The following ADGRD1 variants were observed in gnomAD, a reference collection of about 807,000 sequenced individuals.
ADGRD1 encodes G-protein coupled receptor 133.
Under a neutral mutation model 113.4 loss-of-function variants are expected in ADGRD1, and 77 were observed. The observed-to-expected ratio is 0.68, with a 90% CI of 0.57 to 0.82. ADGRD1 has a LOEUF of 0.82. Ranked by LOEUF, ADGRD1 falls within the 40% of genes least tolerant of loss-of-function variation. The pLI is 0.00. For missense variants in ADGRD1, 1,036 were observed against 1,139.1 expected, an observed-to-expected ratio of 0.91 and a Z score of 1.30; for synonymous variants, 474 against 475.0, an observed-to-expected ratio of 1.00 and a Z score of 0.03.
intron 8 of ADGRD1, among the ~76,000 whole-genome samples, chr12:130,997,096 A>G (rs372183984): frequency 0.93 from 95,533 of 103,244 alleles, 44,505 homozygotes; most frequent in East Asian, 0.99. Flanking sequence ...GGGCAGAGGC[A>G]CCCCTCACCT....
intron 21 of ADGRD1, 38 bp from the exon 22 acceptor site, chr12:131,135,999 T>A (rs756341334): frequency 2.0e-5 from 33 of 1,612,128 alleles, no homozygotes; most frequent in Non-Finnish European, 2.6e-5. Flanking sequence ...GCACCTGCCC[T>A]CCTGCCACTC....
chr12:130,966,427 A>G lies in ADGRD1; in HGVS notation c.104-36A>G, dbSNP rs757427744. 5 of 1,366,964 alleles carry G rather than the reference A, an allele frequency of 3.7e-6. No individual in the cohort carries two copies. In the East Asian group the frequency reaches 6.9e-5, roughly 19 times the overall value. 84.7% of individuals were successfully genotyped at this position (1,366,964 alleles called of 1,614,324 possible). A position where few individuals can be genotyped will look rare whatever the true frequency, so the allele number is the denominator to read the frequency against. ...TTACCCTCTGGTTCTTTCCTCTCTAATGATGATTTAAAATTTTTATTCTTT... is the reference window on the plus strand; with the variant it reads ...TTACCCTCTGGTTCTTTCCTCTCTAGTGATGATTTAAAATTTTTATTCTTT... On this transcript the variant is annotated intron_variant, in intron 2 of 24. Coordinates refer to ENST00000261654, the MANE Select transcript of ADGRD1 (RefSeq NM_198827.5). The surrounding 1 kb of genome is among the most constrained non-coding windows in gnomAD (Gnocchi z 4.6).
At chr12:131,036,674 A>ACG (rs1414799162) in intron 13 of ADGRD1, among the ~76,000 whole-genome samples, 2 of 139,226 alleles carry the variant, frequency 1.4e-5, no homozygotes, top group East Asian at 2.2e-4. Flanking sequence ...GGCCTCACTC[A>ACG]GTACACCGGG....
intron 13 of ADGRD1, among the ~76,000 whole-genome samples, chr12:131,064,051 A>C (rs971721482): frequency 3.0e-4 from 45 of 152,106 alleles, no homozygotes; most frequent in Non-Finnish European, 3.7e-4. Context: ...GTGACTATGA[A>C]CTCACTTAAT....
chr12:131,087,032 A>G (rs938562343), intron 15 of ADGRD1, among the ~76,000 whole-genome samples: 1 of 152,124 alleles, frequency 6.6e-6, no homozygotes, highest in Admixed American at 6.5e-5. Context: ...CAGCCTCCCA[A>G]GTAGCTGGGA....
intron 18 of ADGRD1, among the ~76,000 whole-genome samples, chr12:131,115,238 G>A (rs927409014): frequency 3.9e-5 from 6 of 152,204 alleles, no homozygotes; most frequent in Non-Finnish European, 7.3e-5. Context: ...CCAGGCTGAC[G>A]GAGAAGGCAC....
intron 5 of ADGRD1, among the ~76,000 whole-genome samples, chr12:130,983,552 T>C (rs1487409426): frequency 6.6e-6 from 1 of 152,220 alleles, no homozygotes; most frequent in Admixed American, 6.5e-5. Context: ...AGGTAAAGTA[T>C]GCTCAACTCT....
chr12:131,062,882 G>A (rs1226661318), intron 13 of ADGRD1, among the ~76,000 whole-genome samples: 2 of 152,090 alleles, frequency 1.3e-5, no homozygotes, highest in Non-Finnish European at 2.9e-5. Context: ...CATGAGCAAT[G>A]TATGAGTGAT....
chr12:131,104,238 G>A (rs917256270), intron 15 of ADGRD1, among the ~76,000 whole-genome samples: 2 of 151,822 alleles, frequency 1.3e-5, no homozygotes, highest in Admixed American at 6.6e-5. Context: ...CCTCAGGCGG[G>A]GGCGGTAGCC....
chr12:131,008,887 G>A (rs1156383574), intron 12 of ADGRD1, among the ~76,000 whole-genome samples: 1 of 152,226 alleles, frequency 6.6e-6, no homozygotes, highest in African/African-American at 2.4e-5. Flanking sequence ...GATGAGTGGG[G>A]AGGTGGACCC....
At chr12:130,980,229 T>A (rs1398870305) in intron 4 of ADGRD1, among the ~76,000 whole-genome samples, 1 of 151,758 alleles carries the variant, frequency 6.6e-6, no homozygotes, top group East Asian at 1.9e-4. Flanking sequence ...CTCAGCCTCC[T>A]GAGCAGCTGG....
intron 11 of ADGRD1, 71 bp from the exon 12 acceptor site, chr12:131,005,901 G>A (rs547199018): frequency 1.4e-5 from 16 of 1,173,592 alleles, no homozygotes; most frequent in East Asian, 9.4e-5. Context: ...ATGGCGGGGC[G>A]TGGGGCTTTG....
At chr12:131,119,556 C>G (rs952469734) in intron 19 of ADGRD1, among the ~76,000 whole-genome samples, 2 of 152,250 alleles carry the variant, frequency 1.3e-5, no homozygotes, top group Non-Finnish European at 2.9e-5. Context: ...TTCCCACACT[C>G]ATGCCCGAAA....
chr12:130,982,882 A>G (rs1179529128), intron 5 of ADGRD1, among the ~76,000 whole-genome samples: 1 of 152,172 alleles, frequency 6.6e-6, no homozygotes, highest in Non-Finnish European at 1.5e-5. Flanking sequence ...GTGGGGGCCA[A>G]GTCAGGACTG....
At chr12:131,019,852 C>G (rs1450642135) in intron 13 of ADGRD1, among the ~76,000 whole-genome samples, 1 of 75,482 alleles carries the variant, frequency 1.3e-5, no homozygotes, top group African/African-American at 3.9e-5. Context: ...ACCCCGAGCT[C>G]CGTCCAGGGC....
intron 20 of ADGRD1, among the ~76,000 whole-genome samples, chr12:131,130,822 C>T (rs1408555504): frequency 6.6e-6 from 1 of 152,100 alleles, no homozygotes; most frequent in Non-Finnish European, 1.5e-5. Flanking sequence ...CAGCTCCCTT[C>T]AGAGACTGCC....
At chr12:131,117,502 C>T (rs1332565815) in intron 18 of ADGRD1, among the ~76,000 whole-genome samples, 1 of 152,194 alleles carries the variant, frequency 6.6e-6, no homozygotes, top group African/African-American at 2.4e-5. Flanking sequence ...AGCTCACTGA[C>T]ATCCTTATCC....
intron 21 of ADGRD1, among the ~76,000 whole-genome samples, chr12:131,135,364 A>T (rs1951046912): frequency 6.6e-6 from 1 of 152,140 alleles, no homozygotes; most frequent in Admixed American, 6.5e-5. Flanking sequence ...ATAAAAACGC[A>T]TGCTGATGGG....
chr12:131,036,682 G>T (rs1401423028), intron 13 of ADGRD1, among the ~76,000 whole-genome samples: 2 of 128,214 alleles, frequency 1.6e-5, no homozygotes, highest in Admixed American at 1.6e-4. Flanking sequence ...TCAGTACACC[G>T]GGCCTCACTC....
Sources: allele counts gnomAD v4.1 joint callset (sites outside exome capture counted in the v4.1 genomes callset), GRCh38; gene constraint gnomAD v4.1.1; non-coding constraint Gnocchi (gnomAD v3.1); transcripts MANE v1.5; gene names NCBI Gene and HGNC (gene_info 2026-07-23, HGNC 2026-07-21).